The following GASK1A variants were observed in gnomAD, a reference collection of about 807,000 sequenced individuals.
GASK1A encodes Golgi-associated kinase 1A.
Under a neutral mutation model 41.2 loss-of-function variants are expected in GASK1A, and 40 were observed. The observed-to-expected ratio is 0.97, with a 90% CI of 0.75 to 1.27. The LOEUF is 1.27. Among genes scored for constraint, GASK1A ranks in the 50% most tolerant of loss-of-function variants. GASK1A has a pLI of 0.00. For missense variants in GASK1A, 678 were observed against 745.1 expected (o/e 0.91, Z 1.05); for synonymous variants, 316 against 307.1 (o/e 1.03, Z -0.30).
chr3:43,055,444 G>A lies in GASK1A; in HGVS notation c.1426G>A (p.Asp476Asn), dbSNP rs2089711327. The A allele has an allele frequency of 5.2e-6, 8 of 1,551,426 alleles. No homozygotes were observed. Among genetic ancestry groups the A allele is most frequent in the Admixed American group, 2.0e-5 (1 of 50,976 alleles). The change falls in exon 4 of 5, where the codon GAT becomes AAT. Residue 476 changes from aspartate to asparagine, a missense_variant. Coordinates refer to ENST00000430121, the MANE Select transcript of GASK1A (RefSeq NM_001129908.3). Reference sequence around the variant, plus strand: ...CCTCTTCCCTGAGGTCCGGAGCAGCGATCCATCTCACCTGGTCTACATCGA... The same window carrying A: ...CCTCTTCCCTGAGGTCCGGAGCAGCAATCCATCTCACCTGGTCTACATCGA... ...RLVHILVRSS[D>N]PSHLVYIDNA...
intron 2 of GASK1A, among the ~76,000 whole-genome samples, chr3:43,049,602 G>GC (rs996381636): frequency 2.6e-5 from 4 of 151,778 alleles, no homozygotes; most frequent in Non-Finnish European, 4.4e-5. Flanking sequence ...GGCTAAACTT[G>GC]TTTTTTTTAC....
chr3:43,055,630 C>A, intron 4 of GASK1A, 95 bp downstream of exon 4: 1 of 852,144 alleles, frequency 1.2e-6, no homozygotes, highest in South Asian at 1.5e-5. Context: ...CCTGAGAAGC[C>A]CACAGTCCAT....
chr3:43,002,935 A>G (rs1186142569), intron 1 of GASK1A, among the ~76,000 whole-genome samples: 1 of 152,180 alleles, frequency 6.6e-6, no homozygotes, highest in African/African-American at 2.4e-5. Context: ...CCTTGTTTCC[A>G]GACCTTTTTC....
At chr3:43,052,826 A>T (rs1054256340) in intron 2 of GASK1A, among the ~76,000 whole-genome samples, 2 of 152,148 alleles carry the variant, frequency 1.3e-5, no homozygotes, top group Non-Finnish European at 2.9e-5. Flanking sequence ...GCTGGGGTAG[A>T]CCCACGATTC....
chr3:43,035,889 A>G (rs776548338), intron 2 of GASK1A, among the ~76,000 whole-genome samples: 14 of 152,248 alleles, frequency 9.2e-5, no homozygotes, highest in Non-Finnish European at 1.6e-4. Context: ...CCAAGGTGGC[A>G]GCTTGTGGGC....
chr3:43,055,266 A>G (rs2089710199), intron 3 of GASK1A, among the ~76,000 whole-genome samples, 166 bp from the exon 4 acceptor site: 3 of 152,342 alleles, frequency 2.0e-5, no homozygotes, highest in Admixed American at 6.5e-5. Context: ...CACTTAGCAC[A>G]GTGCCCAGCA....
At position 42,979,485 on chromosome 3, in the gene GASK1A, C is replaced by T. The variant is rs1274914926; in HGVS notation, c.-158C>T. The T allele has an allele frequency of 2.8e-6, 2 of 707,558 alleles. No homozygotes were observed. The highest frequency in any genetic ancestry group is 3.4e-5 in the East Asian group (1 of 29,402). The allele number at this position is 707,558 out of a possible 1,614,324, so 43.8% of individuals were successfully genotyped here. On this transcript the variant is annotated 5_prime_UTR_variant, in exon 1 of 5. It adds an upstream start codon to the 5' untranslated region. Transcript: ENST00000430121. ...CGCAGGGCCACTTGGCTGCAGAGAA[C>T]GTGTGCACCTTCAGTCCGGGAAACC...
At chr3:42,986,613 G>A (rs1242819176) in intron 1 of GASK1A, among the ~76,000 whole-genome samples, 1 of 150,858 alleles carries the variant, frequency 6.6e-6, no homozygotes, top group African/African-American at 2.4e-5. Context: ...GGAACCTCCT[G>A]GAGATGGGGC....
At position 43,032,343 on chromosome 3, in the gene GASK1A, C is replaced by T. The variant is rs138304813; in HGVS notation, c.80C>T (p.Ala27Val). Residue 27 changes from alanine to valine, a missense_variant, in exon 2 of 5, where the codon GCG (alanine) becomes GTG (valine). Ala to Val is a moderately conservative substitution (Grantham distance 64). Coordinates refer to ENST00000430121, the MANE Select transcript of GASK1A (RefSeq NM_001129908.3). The stretch of plus-strand genomic sequence containing the variant: ...TTCTGCCTCTTGATGATCCTATCTG[C>T]GATGGCTGTCACCCGCTTTCCCCCA... The part of the protein sequence containing the change: ...IAFCLLMILS[A>V]MAVTRFPPQR... 225 of 1,551,362 alleles carry T rather than the reference C, an allele frequency of 1.5e-4. No homozygotes were observed. In the African/African-American group the frequency reaches 2.4e-3, roughly 16 times the overall value.
chr3:43,035,637 G>A (rs774476285), intron 2 of GASK1A, among the ~76,000 whole-genome samples: 2 of 152,188 alleles, frequency 1.3e-5, no homozygotes, highest in Non-Finnish European at 2.9e-5. Context: ...TCTGTCCTCT[G>A]GGGATCCCAG....
In GASK1A at chr3:43,051,389, T is replaced by C. The variant is rs866336059; in HGVS notation, c.1291-2132T>C. On this transcript the variant is annotated intron_variant, in intron 2 of 4. Coordinates refer to ENST00000430121, the MANE Select transcript of GASK1A (RefSeq NM_001129908.3). Reference sequence around the variant, plus strand: ...TTTGCCAAAGGACTCTGTGTGTGTGTTGAGGCATCTCCAACACGTATGTAT... The same window carrying C: ...TTTGCCAAAGGACTCTGTGTGTGTGCTGAGGCATCTCCAACACGTATGTAT... Among the ~76,000 whole-genome samples, 7 of 152,326 alleles carry C rather than the reference T, an allele frequency of 4.6e-5. 1 individual carries two copies. The South Asian group carries it at 1.5e-3, about 32-fold the overall frequency.
Position 42,994,653 on chromosome 3 carries a change from C to A in GASK1A, c.3+15008C>A, listed in dbSNP as rs73832416. Reference sequence around the variant, plus strand: ...AGAGACCTGTTCCTCTTCTCTGAATCCAAGAGGGTCCATCAGACACTGCCA... The same window carrying A: ...AGAGACCTGTTCCTCTTCTCTGAATACAAGAGGGTCCATCAGACACTGCCA... On this transcript the variant is annotated intron_variant, in intron 1 of 4. Coordinates refer to ENST00000430121, the MANE Select transcript of GASK1A (RefSeq NM_001129908.3). 6.7e-3 allele frequency among the ~76,000 whole-genome samples: 1,026 copies of A among 152,164 alleles called. 12 individuals carry two copies. Among genetic ancestry groups the A allele is most frequent in the African/African-American group, 0.023 (962 of 41,496 alleles).
intron 2 of GASK1A, among the ~76,000 whole-genome samples, chr3:43,041,101 C>T (rs1296921782): frequency 1.3e-5 from 2 of 149,940 alleles, no homozygotes; most frequent in Admixed American, 6.7e-5. Flanking sequence ...ATATATGCCA[C>T]ATTTTCTTAA....
intron 1 of GASK1A, among the ~76,000 whole-genome samples, chr3:43,009,938 G>C (rs906498985): frequency 1.3e-5 from 2 of 152,184 alleles, no homozygotes; most frequent in African/African-American, 4.8e-5. Context: ...AGCCTTCTTC[G>C]CACTGGTGTC....
At chr3:42,988,172 G>A (rs1301718987) in intron 1 of GASK1A, among the ~76,000 whole-genome samples, 3 of 152,190 alleles carry the variant, frequency 2.0e-5, no homozygotes, top group South Asian at 2.1e-4. Context: ...TACCACTGCT[G>A]GAGAGTGGGT....
At chr3:43,019,409 G>A (rs916373453) in intron 1 of GASK1A, among the ~76,000 whole-genome samples, 13 of 152,154 alleles carry the variant, frequency 8.5e-5, no homozygotes, top group African/African-American at 2.7e-4. Context: ...CCTAGAGGCC[G>A]GTTCAGCTCT....
chr3:43,008,406 G>A (rs2089447155), intron 1 of GASK1A, among the ~76,000 whole-genome samples: 1 of 152,192 alleles, frequency 6.6e-6, no homozygotes, highest in African/African-American at 2.4e-5. Context: ...TGAAGCCGGA[G>A]GTCACCTGGC....
At chr3:43,007,774 T>C (rs1005075601) in intron 1 of GASK1A, among the ~76,000 whole-genome samples, 3 of 152,236 alleles carry the variant, frequency 2.0e-5, no homozygotes, top group Non-Finnish European at 4.4e-5. Context: ...GAATAGCAGG[T>C]GCTTAGTCTA....
At chr3:43,048,803 G>T (rs1189807349) in intron 2 of GASK1A, among the ~76,000 whole-genome samples, 2 of 152,146 alleles carry the variant, frequency 1.3e-5, no homozygotes, top group African/African-American at 4.8e-5. Flanking sequence ...ACCTTCTGTA[G>T]GTGAGCCCTA....
Sources: gnomAD v4.1 joint callset for allele counts (sites outside exome capture counted in the v4.1 genomes callset) on GRCh38, gnomAD v4.1.1 for gene constraint, MANE v1.5 for transcripts, NCBI Gene and HGNC (gene_info 2026-07-23, HGNC 2026-07-21) for gene names.